Variants in EPHA5 observed in about 807,000 individuals in gnomAD.
EPHA5 encodes EPH receptor A5.
A neutral mutation model predicts 105.0 loss-of-function variants in EPHA5; 60 were observed. The observed-to-expected ratio is 0.57, with a 90% CI of 0.46 to 0.71. The LOEUF is 0.71. Among genes scored for constraint, EPHA5 ranks in the 30% least tolerant of loss-of-function variants. The probability of loss-of-function intolerance (pLI) is 0.00; values close to 1 mark genes in which losing one functional copy is unlikely to be tolerated. For missense variants in EPHA5, 1,218 were observed against 1,274.7 expected, an observed-to-expected ratio of 0.96 and a Z score of 0.68; for synonymous variants, 513 against 449.1, an observed-to-expected ratio of 1.14 and a Z score of -1.80.
At chr4:65,374,283 G>C (rs774161911) in intron 8 of EPHA5, among the ~76,000 whole-genome samples, 1 of 151,864 alleles carries the variant, frequency 6.6e-6, no homozygotes, top group Non-Finnish European at 1.5e-5. Flanking sequence ...TTATCACTGG[G>C]TAGATTTCAG....
At chr4:65,483,186 G>T (rs1730551329) in intron 5 of EPHA5, among the ~76,000 whole-genome samples, 2 of 152,144 alleles carry the variant, frequency 1.3e-5, no homozygotes, top group Non-Finnish European at 2.9e-5. Flanking sequence ...CAAAGGACAT[G>T]AACTCATCCC....
At chr4:65,535,906 C>T (rs1736239569) in intron 3 of EPHA5, among the ~76,000 whole-genome samples, 1 of 151,660 alleles carries the variant, frequency 6.6e-6, no homozygotes, top group Admixed American at 6.6e-5. Flanking sequence ...GAGTAAGTTA[C>T]CCATTTAGGT....
intron 5 of EPHA5, among the ~76,000 whole-genome samples, chr4:65,485,651 A>C (rs965390406): frequency 6.6e-5 from 10 of 152,150 alleles, no homozygotes; most frequent in Non-Finnish European, 2.9e-5. Context: ...CTAATGCAAA[A>C]TTTTCAACTT....
intron 3 of EPHA5, among the ~76,000 whole-genome samples, chr4:65,508,561 T>C (rs1275658212): frequency 6.6e-6 from 1 of 152,148 alleles, no homozygotes; most frequent in Admixed American, 6.6e-5. Context: ...AAAGTACAAT[T>C]AACTATGTGC....
intron 14 of EPHA5, among the ~76,000 whole-genome samples, chr4:65,339,279 C>A (rs1336453784): frequency 6.6e-6 from 1 of 152,042 alleles, no homozygotes; most frequent in Non-Finnish European, 1.5e-5. Flanking sequence ...GCTTTTCCCA[C>A]CCACAGACCC....
intron 1 of EPHA5, among the ~76,000 whole-genome samples, chr4:65,657,604 A>C (rs1175878272): frequency 1.3e-5 from 2 of 152,174 alleles, no homozygotes; most frequent in Non-Finnish European, 2.9e-5. Context: ...GTAACTTTTC[A>C]GTTTAAGAAA....
At chr4:65,430,278 A>G (rs1724851642) in intron 5 of EPHA5, among the ~76,000 whole-genome samples, 1 of 151,848 alleles carries the variant, frequency 6.6e-6, no homozygotes. Flanking sequence ...TTTTTGTTCC[A>G]CTGGAACAGT....
chr4:65,465,260 C>G (rs1259724344), intron 5 of EPHA5, among the ~76,000 whole-genome samples: 1 of 151,688 alleles, frequency 6.6e-6, no homozygotes, highest in Non-Finnish European at 1.5e-5. Context: ...AATAGTGAAA[C>G]CCCGTCTCTA....
At chr4:65,475,234 C>A (rs1010120254) in intron 5 of EPHA5, among the ~76,000 whole-genome samples, 1 of 152,052 alleles carries the variant, frequency 6.6e-6, no homozygotes, top group African/African-American at 2.4e-5. Flanking sequence ...ACGATGCATG[C>A]TTTTGACTAG....
intron 3 of EPHA5, among the ~76,000 whole-genome samples, chr4:65,539,382 AG>A (rs1006591983): frequency 6.6e-6 from 1 of 151,730 alleles, no homozygotes; most frequent in African/African-American, 2.4e-5. Context: ...AAATGAAGAT[AG>A]GGCTTTTATG....
intron 5 of EPHA5, among the ~76,000 whole-genome samples, chr4:65,428,075 T>A (rs1724621904): frequency 6.6e-6 from 1 of 152,142 alleles, no homozygotes; most frequent in South Asian, 2.1e-4. Flanking sequence ...CTTCTGTAGC[T>A]GGTTTAATAA....
intron 8 of EPHA5, among the ~76,000 whole-genome samples, chr4:65,394,730 T>A (rs532220144): frequency 6.6e-6 from 1 of 152,298 alleles, no homozygotes; most frequent in South Asian, 2.1e-4. Context: ...TTTTATCAGC[T>A]ATAAATTAGA....
At chr4:65,552,086 G>T (rs1229257199) in intron 3 of EPHA5, among the ~76,000 whole-genome samples, 2 of 152,030 alleles carry the variant, frequency 1.3e-5, no homozygotes, top group East Asian at 1.9e-4. Context: ...CACAGCAGAG[G>T]GCAGAAAAAG....
intron 7 of EPHA5, among the ~76,000 whole-genome samples, chr4:65,407,797 C>T (rs1722506504): frequency 6.6e-6 from 1 of 151,700 alleles, no homozygotes; most frequent in African/African-American, 2.4e-5. Context: ...ACTTCGTCAC[C>T]CAGGCTGGAG....
chr4:65,475,139 GC>G (rs1560579877), intron 5 of EPHA5, among the ~76,000 whole-genome samples: 1 of 152,032 alleles, frequency 6.6e-6, no homozygotes, highest in African/African-American at 2.4e-5. Context: ...ATGCCCAACT[GC>G]CATTCATTCA....
chr4:65,414,776 CT>C (rs909209404), intron 6 of EPHA5, among the ~76,000 whole-genome samples: 13 of 146,412 alleles, frequency 8.9e-5, no homozygotes, highest in African/African-American at 2.5e-4. Context: ...TATTTTTGTG[CT>C]TTTTTTCCCT....
At chr4:65,369,316 A>G (rs1035149463) in intron 8 of EPHA5, among the ~76,000 whole-genome samples, 10 of 152,194 alleles carry the variant, frequency 6.6e-5, no homozygotes, top group African/African-American at 1.9e-4. Flanking sequence ...AAATATTTAA[A>G]TTATTTTTAG....
intron 3 of EPHA5, among the ~76,000 whole-genome samples, chr4:65,498,072 T>C (rs746653803): frequency 4.6e-5 from 7 of 152,088 alleles, no homozygotes; most frequent in Admixed American, 1.3e-4. Context: ...CTGCTTATAT[T>C]TGAAAGATTA....
intron 4 of EPHA5, among the ~76,000 whole-genome samples, chr4:65,494,758 A>G (rs572426110): frequency 2.0e-4 from 30 of 152,290 alleles, no homozygotes; most frequent in African/African-American, 7.0e-4. Context: ...TGAGAACCCT[A>G]GCAAAAAAAT....
Sources: allele counts gnomAD v4.1 joint callset (sites outside exome capture counted in the v4.1 genomes callset), GRCh38; gene constraint gnomAD v4.1.1; transcripts MANE v1.5; gene names NCBI Gene and HGNC (gene_info 2026-07-23, HGNC 2026-07-21).